ZCCHC14: variants seen among roughly 807,000 people sequenced by gnomAD.
The protein encoded by ZCCHC14 is zinc finger CCHC domain-containing protein 14.
A neutral mutation model predicts 85.0 loss-of-function variants in ZCCHC14; 16 were observed. The ratio of observed to expected loss-of-function variants is 0.19; its 90% CI spans 0.13 to 0.29. The LOEUF (loss-of-function observed/expected upper bound fraction) is 0.29, where lower values mean the gene tolerates loss of function less well. ZCCHC14 is among the 10% of genes least tolerant of loss of function. ZCCHC14 has a pLI of 1.00. For synonymous variants in ZCCHC14, 775 were observed against 630.7 expected, an observed-to-expected ratio of 1.23 and a Z score of -3.43; for missense variants, 1,303 against 1,443.5, an observed-to-expected ratio of 0.90 and a Z score of 1.58.
At chr16:87,452,133 C>G (rs1910737019) in intron 2 of ZCCHC14, among the ~76,000 whole-genome samples, 1 of 152,164 alleles carries the variant, frequency 6.6e-6, no homozygotes, top group African/African-American at 2.4e-5. Context: ...ACAGAGGGAC[C>G]CACAAAGTGA....
intron 4 of ZCCHC14, among the ~76,000 whole-genome samples, chr16:87,422,889 G>C (rs1909175587): frequency 6.8e-6 from 1 of 146,090 alleles, no homozygotes; most frequent in African/African-American, 2.8e-5. Context: ...ACACTACAGA[G>C]GGAAAAGCAG....
chr16:87,488,359 G>A (rs557271677), intron 1 of ZCCHC14, among the ~76,000 whole-genome samples: 12 of 152,234 alleles, frequency 7.9e-5, no homozygotes, highest in Non-Finnish European at 1.2e-4. Context: ...CAGCATTACC[G>A]GCCACTAGGC....
chr16:87,426,827 A>G (rs988220958), intron 3 of ZCCHC14, among the ~76,000 whole-genome samples: 2 of 152,362 alleles, frequency 1.3e-5, no homozygotes, highest in East Asian at 1.9e-4. Flanking sequence ...ATTTTCATCA[A>G]TATTCTTACT....
At chr16:87,415,208 C>T (rs1908721329) in intron 9 of ZCCHC14, 68 bp downstream of exon 9, 1 of 1,450,264 alleles carries the variant, frequency 6.9e-7, no homozygotes. Flanking sequence ...CACTGGAAGC[C>T]TCAGCACTCC....
intron 1 of ZCCHC14, among the ~76,000 whole-genome samples, chr16:87,464,271 A>C (rs777865831): frequency 2.4e-4 from 36 of 152,188 alleles, no homozygotes; most frequent in Non-Finnish European, 3.1e-4. Flanking sequence ...ACACTGGAAC[A>C]CCAAGGCCCT....
At chr16:87,490,338 G>A (rs777733596) in intron 1 of ZCCHC14, among the ~76,000 whole-genome samples, 3 of 152,216 alleles carry the variant, frequency 2.0e-5, no homozygotes, top group African/African-American at 4.8e-5. Context: ...AGAGCTTAAA[G>A]ACACTGCAAA....
intron 2 of ZCCHC14, among the ~76,000 whole-genome samples, 173 bp downstream of exon 2, chr16:87,459,835 A>G (rs1597438187): frequency 6.6e-6 from 1 of 152,186 alleles, no homozygotes; most frequent in African/African-American, 2.4e-5. Flanking sequence ...TCAATAATTG[A>G]GATTTTTACA....
intron 1 of ZCCHC14, among the ~76,000 whole-genome samples, chr16:87,463,079 A>T (rs1239205529): frequency 6.6e-6 from 1 of 152,168 alleles, no homozygotes; most frequent in South Asian, 2.1e-4. Context: ...AAAGAAAAAG[A>T]AAAAAAGAAA....
At chr16:87,413,221 C>T (rs1908575318) in intron 10 of ZCCHC14, 26 bp from the exon 11 acceptor site, 1 of 1,505,330 alleles carries the variant, frequency 6.6e-7, no homozygotes, top group Non-Finnish European at 8.9e-7. Context: ...AGAGGAGCAG[C>T]CATCAACTAG....
chr16:87,469,113 A>G (rs924237283), intron 1 of ZCCHC14, among the ~76,000 whole-genome samples: 10 of 152,182 alleles, frequency 6.6e-5, no homozygotes, highest in Non-Finnish European at 1.3e-4. Context: ...GACATGGTCT[A>G]TGTTGCCCAG....
At chr16:87,462,454 G>C (rs1051879830) in intron 1 of ZCCHC14, among the ~76,000 whole-genome samples, 1 of 152,114 alleles carries the variant, frequency 6.6e-6, no homozygotes, top group African/African-American at 2.4e-5. Flanking sequence ...AAGAAACACA[G>C]CCAAGGCCGG....
chr16:87,457,782 C>A (rs181059405), intron 2 of ZCCHC14, among the ~76,000 whole-genome samples: 312 of 152,308 alleles, frequency 2.0e-3, no homozygotes, highest in Non-Finnish European at 2.7e-3. Flanking sequence ...CTGCACCCAA[C>A]AGAATATTAA....
At chr16:87,476,276 A>T (rs1468150641) in intron 1 of ZCCHC14, among the ~76,000 whole-genome samples, 1 of 152,232 alleles carries the variant, frequency 6.6e-6, no homozygotes, top group African/African-American at 2.4e-5. Context: ...AAGGAATGAA[A>T]AGCACCAAAA....
At chr16:87,467,398 G>C in intron 1 of ZCCHC14, 1 of 1,600,896 alleles carries the variant, frequency 6.2e-7, no homozygotes, top group African/African-American at 1.3e-5. Context: ...ACAGTTTACT[G>C]TCAGGCAAGC....
chr16:87,450,486 GCATTA>G (rs1910644247), intron 2 of ZCCHC14, among the ~76,000 whole-genome samples: 1 of 151,358 alleles, frequency 6.6e-6, no homozygotes, highest in Non-Finnish European at 1.5e-5. Context: ...TAGCTACATT[GCATTA>G]ATTTCATTTG....
intron 2 of ZCCHC14, among the ~76,000 whole-genome samples, chr16:87,435,344 G>A (rs1487077144): frequency 6.6e-6 from 1 of 152,214 alleles, no homozygotes; most frequent in African/African-American, 2.4e-5. Context: ...GGAGGCTAGT[G>A]GCTGCCACGC....
rs992661876 is a variant in ZCCHC14, at chr16:87,412,704, G to C, written c.2017C>G (p.Leu673Val). ...CCAGATCCTTTATTCCTTTCTTCTAGAGACAAAAGTGAGTGCACAGAAGAC... is the reference window on the plus strand; with the variant it reads ...CCAGATCCTTTATTCCTTTCTTCTACAGACAAAAGTGAGTGCACAGAAGAC... ...LSSSVHSLLS[L>V]EERNKGSGPR... Residue 673 changes from leucine (L) to valine (V), a missense_variant, in exon 12 of 13, where the codon CTA becomes GTA. Coordinates refer to ENST00000671377, the MANE Select transcript of ZCCHC14 (RefSeq NM_015144.3). The C allele has an allele frequency of 5.0e-6, 8 of 1,614,086 alleles. No homozygotes were observed. Among genetic ancestry groups the C allele is most frequent in the Non-Finnish European group, 5.9e-6 (7 of 1,180,034 alleles).
chr16:87,472,723 C>G (rs1023044491), intron 1 of ZCCHC14: 1 of 152,246 alleles, frequency 6.6e-6, no homozygotes, highest in Non-Finnish European at 1.5e-5. Context: ...CCTTCCCCCT[C>G]AAGAAAAATG....
chr16:87,431,673 T>C (rs192431469), intron 3 of ZCCHC14, among the ~76,000 whole-genome samples: 271 of 152,236 alleles, frequency 1.8e-3, no homozygotes, highest in African/African-American at 6.1e-3. Flanking sequence ...GACAGCTCCG[T>C]GCACAGCACC....
Sources: allele counts gnomAD v4.1 joint callset (sites outside exome capture counted in the v4.1 genomes callset), GRCh38; gene constraint gnomAD v4.1.1; transcripts MANE v1.5; gene names NCBI Gene and HGNC (gene_info 2026-07-23, HGNC 2026-07-21).